TTLL11: variants seen among roughly 807,000 people sequenced by gnomAD.
The protein encoded by TTLL11 is tubulin polyglutamylase TTLL11.
In TTLL11, 42 loss-of-function variants were observed where a neutral mutation model predicts 51.7. The observed-to-expected ratio is 0.81, with a 90% CI of 0.64 to 1.05. The LOEUF (loss-of-function observed/expected upper bound fraction) is 1.05. TTLL11 is among the 50% of genes least tolerant of loss of function. TTLL11 has a pLI of 0.00. For missense variants in TTLL11, 799 were observed against 940.4 expected (o/e 0.85, Z 1.97); for synonymous variants, 381 against 383.5 (o/e 0.99, Z 0.08).
chr9:121,937,768 C>T (rs1468273021), intron 6 of TTLL11, among the ~76,000 whole-genome samples: 1 of 151,204 alleles, frequency 6.6e-6, no homozygotes, highest in African/African-American at 2.4e-5. Flanking sequence ...AAAGAAAGAA[C>T]ATCAAACCCT....
chr9:121,908,601 G>A (rs1030115721), intron 6 of TTLL11, among the ~76,000 whole-genome samples: 1 of 152,208 alleles, frequency 6.6e-6, no homozygotes, highest in African/African-American at 2.4e-5. Flanking sequence ...TTTTGATTCA[G>A]CAGTGGTTTT....
In TTLL11 at chr9:121,815,680, AT is replaced by A. The variant is rs1435475155; in HGVS notation, c.*6906del. The A allele has an allele frequency of 9.9e-5, 15 of 152,248 alleles. No homozygotes were observed. Among genetic ancestry groups the A allele is most frequent in the African/African-American group, 3.6e-4 (15 of 41,468 alleles). 9.4% of individuals were successfully genotyped at this position (152,248 alleles called of 1,614,324 possible). ...AACTGTCAATACTTCGCAGTCGTTT[AT>A]ACAATGAGCCTGTGTTTAGCAACAC... is the stretch of plus-strand genomic sequence containing the variant. On this transcript the variant is annotated 3_prime_UTR_variant, in exon 9 of 9. Coordinates refer to ENST00000321582, the MANE Select transcript of TTLL11 (RefSeq NM_001139442.2).
At chr9:121,834,300 G>T (rs1272323087) in intron 8 of TTLL11, among the ~76,000 whole-genome samples, 1 of 152,142 alleles carries the variant, frequency 6.6e-6, no homozygotes, top group Non-Finnish European at 1.5e-5. Context: ...CTCTACACAT[G>T]GTAGATCAAA....
chr9:122,004,344 C>T (rs923331247), intron 3 of TTLL11, among the ~76,000 whole-genome samples: 1 of 150,676 alleles, frequency 6.6e-6, no homozygotes, highest in Non-Finnish European at 1.5e-5. Context: ...ATGCTGAATG[C>T]TTTACAGCAT....
chr9:121,860,227 T>C, intron 8 of TTLL11, 110 bp downstream of exon 8: 1 of 786,146 alleles, frequency 1.3e-6, no homozygotes, highest in Non-Finnish European at 2.0e-6. Flanking sequence ...CTAGATCTGA[T>C]GGCATCATCT....
At chr9:121,888,352 G>A (rs549929060) in intron 6 of TTLL11, among the ~76,000 whole-genome samples, 13 of 152,224 alleles carry the variant, frequency 8.5e-5, no homozygotes, top group Non-Finnish European at 1.9e-4. Context: ...CTGTAGACAA[G>A]TTCTGGAGAT....
chr9:121,917,712 A>G (rs1840392843), intron 6 of TTLL11, among the ~76,000 whole-genome samples: 1 of 152,012 alleles, frequency 6.6e-6, no homozygotes, highest in Non-Finnish European at 1.5e-5. Context: ...AGAAAGAAAG[A>G]AAGAAAGAGA....
intron 6 of TTLL11, among the ~76,000 whole-genome samples, chr9:121,897,763 C>T (rs75389550): frequency 6.6e-6 from 1 of 152,326 alleles, no homozygotes; most frequent in East Asian, 1.9e-4. Context: ...TCCCTGGGTA[C>T]TCAGTTTCCC....
chr9:121,869,407 T>C (rs1335055622), intron 7 of TTLL11, among the ~76,000 whole-genome samples: 1 of 152,122 alleles, frequency 6.6e-6, no homozygotes, highest in Non-Finnish European at 1.5e-5. Context: ...AAATCACTGA[T>C]GGGAAAAACA....
At chr9:121,982,248 A>G (rs187971755) in intron 4 of TTLL11, among the ~76,000 whole-genome samples, 1 of 152,312 alleles carries the variant, frequency 6.6e-6, no homozygotes, top group East Asian at 1.9e-4. Context: ...CAGAGATCAC[A>G]GTGCTGAGCT....
intron 6 of TTLL11, among the ~76,000 whole-genome samples, chr9:121,929,735 C>T (rs1285545153): frequency 6.6e-6 from 1 of 152,190 alleles, no homozygotes; most frequent in Non-Finnish European, 1.5e-5. Context: ...AGAAAGCACA[C>T]TTGACAGGGA....
intron 3 of TTLL11, among the ~76,000 whole-genome samples, chr9:121,992,950 GGAAA>G (rs1843154864): frequency 6.6e-6 from 1 of 152,132 alleles, no homozygotes; most frequent in Non-Finnish European, 1.5e-5. Flanking sequence ...GCCTTAAGAA[GGAAA>G]GAAATTCTCA....
chr9:121,917,578 G>GA (rs1840382562), intron 6 of TTLL11, among the ~76,000 whole-genome samples: 2 of 134,748 alleles, frequency 1.5e-5, no homozygotes, highest in African/African-American at 5.5e-5. Context: ...AGAAAGAAAG[G>GA]AAGGAAAAGA....
intron 6 of TTLL11, among the ~76,000 whole-genome samples, chr9:121,886,724 T>A (rs1839026099): frequency 6.6e-6 from 1 of 151,984 alleles, no homozygotes; most frequent in South Asian, 2.1e-4. Flanking sequence ...CCCTTGGGGG[T>A]TACTGTGAGA....
chr9:121,899,351 GTGT>G (rs1564295216), intron 6 of TTLL11, among the ~76,000 whole-genome samples: 4 of 94,668 alleles, frequency 4.2e-5, no homozygotes, highest in African/African-American at 1.1e-4. Context: ...CTGTGTGTGT[GTGT>G]ATGTGTGTGT....
At chr9:121,838,835 T>TC (rs1837265337) in intron 8 of TTLL11, among the ~76,000 whole-genome samples, 1 of 98,730 alleles carries the variant, frequency 1.0e-5, no homozygotes, top group Non-Finnish European at 2.4e-5. Context: ...CAAAGATAGA[T>TC]CAAACCACGC....
At chr9:121,856,773 C>CA (rs1179056555) in intron 8 of TTLL11, among the ~76,000 whole-genome samples, 1 of 152,196 alleles carries the variant, frequency 6.6e-6, no homozygotes, top group African/African-American at 2.4e-5. Flanking sequence ...CTCAGCATGG[C>CA]ACCCACACCT....
intron 1 of TTLL11, among the ~76,000 whole-genome samples, chr9:122,060,968 C>G (rs555953718): frequency 2.0e-5 from 3 of 152,324 alleles, no homozygotes; most frequent in South Asian, 2.1e-4. Context: ...TATTCTCTCA[C>G]AGCTCTGGAG....
chr9:121,870,356 T>A, intron 7 of TTLL11, 141 bp downstream of exon 7: 1 of 1,089,592 alleles, frequency 9.2e-7, no homozygotes, highest in Non-Finnish European at 1.3e-6. Context: ...TGCCAGCCAC[T>A]AGGCTAATCC....
Sources: gnomAD v4.1 joint callset for allele counts (sites outside exome capture counted in the v4.1 genomes callset) on GRCh38, gnomAD v4.1.1 for gene constraint, MANE v1.5 for transcripts, NCBI Gene and HGNC (gene_info 2026-07-23, HGNC 2026-07-21) for gene names.